The following SPTBN4 variants were observed in gnomAD, a reference collection of about 807,000 sequenced individuals.
SPTBN4 encodes the protein spectrin beta chain, non-erythrocytic 4.
In SPTBN4, 96 loss-of-function variants were observed where a neutral mutation model predicts 277.8. That is an observed-to-expected ratio of 0.35 (90% CI 0.29 to 0.41). SPTBN4 has a LOEUF of 0.41. Among genes scored for constraint, SPTBN4 ranks in the 10% least tolerant of loss-of-function variants. The pLI is 1.00. For synonymous variants in SPTBN4, 1,481 were observed against 1,580.3 expected, an observed-to-expected ratio of 0.94 and a Z score of 1.49; for missense variants, 3,006 against 3,595.7, an observed-to-expected ratio of 0.84 and a Z score of 4.19.
In SPTBN4 at chr19:40,502,859, C is replaced by T. The variant is rs774379566; in HGVS notation, c.1288C>T (p.Leu430=). The T allele has an allele frequency of 6.2e-6, 10 of 1,613,778 alleles. No homozygotes were observed. The South Asian group carries it at 1.1e-4, about 18-fold the overall frequency. Residue 430 remains leucine (L), a synonymous_variant, in exon 11 of 36, where the codon CTG becomes TTG. Transcript: ENST00000598249. The surrounding 1 kb of genome is among the most constrained non-coding windows in gnomAD (Gnocchi z 4.9). The part of the protein sequence containing the change: ...ELIRQEKLEL[L]AQRFDHKVAM... ...GATTCGGCAGGAGAAGCTGGAACTACTGGCACAGAGGTTTGACCACAAGGT... is the reference window on the plus strand; with the variant it reads ...GATTCGGCAGGAGAAGCTGGAACTATTGGCACAGAGGTTTGACCACAAGGT...
chr19:40,519,686 G>T lies in SPTBN4; in HGVS notation c.3189G>T (p.Ala1063=). 1.9e-5 allele frequency: 27 copies of T among 1,389,962 alleles called. No homozygotes were observed. The highest frequency in any genetic ancestry group is 2.5e-5 in the Non-Finnish European group (27 of 1,082,996). The allele number at this position is 1,389,962 out of a possible 1,614,324, so 86.1% of individuals were successfully genotyped here. A position where few individuals can be genotyped will look rare whatever the true frequency, so the allele number is the denominator to read the frequency against. Residue 1063 remains alanine (A), a synonymous_variant, in exon 16 of 36, where the codon GCG becomes GCT. Coordinates refer to ENST00000598249, the MANE Select transcript of SPTBN4 (RefSeq NM_020971.3). This position sits in a 1 kb window ranked among gnomAD's most constrained non-coding sequence, Gnocchi z 5.7. ...PAQAARLHQG[A]EELGAEWGAL... The stretch of plus-strand genomic sequence containing the variant: ...AGGCGGCGCGGCTGCACCAGGGCGC[G>T]GAGGAGCTGGGCGCCGAGTGGGGCG...
chr19:40,519,964 T>C lies in SPTBN4; in HGVS notation c.3467T>C (p.Leu1156Pro). 1 of 1,542,474 alleles carries C rather than the reference T, an allele frequency of 6.5e-7. No individual in the cohort carries two copies. The highest frequency in any genetic ancestry group is 8.7e-7 in the Non-Finnish European group (1 of 1,151,780). The change falls in exon 16 of 36, where the codon CTG becomes CCG. Residue 1156 changes from leucine (L) to proline (P), a missense_variant. Physicochemically the swap from Leu to Pro is moderately conservative, Grantham distance 98. Transcript: ENST00000598249. This position sits in a 1 kb window ranked among gnomAD's most constrained non-coding sequence, Gnocchi z 5.7. The part of the protein sequence containing the change: ...YARIVAASEA[L>P]LAADGAELGP... ...CGCATCGTGGCGGCCAGCGAGGCGC[T>C]GCTGGCCGCCGACGGCGCAGAGCTG...
chr19:40,507,115 G>A lies in SPTBN4; in HGVS notation c.1816+729G>A, dbSNP rs564131954. Among the ~76,000 whole-genome samples, 5 of 152,154 alleles carry A rather than the reference G, an allele frequency of 3.3e-5. No individual in the cohort carries two copies. In the East Asian group the frequency reaches 9.7e-4, roughly 29 times the overall value. On this transcript the variant is annotated intron_variant, in intron 13 of 35. Transcript: ENST00000598249. ...TGGCTAATGTAACCAAAATGTTCAG[G>A]GAAGCCTAGTCAACATGGCGAAACC...
At chr19:40,482,370 C>T (rs974405001) in intron 2 of SPTBN4, among the ~76,000 whole-genome samples, 7 of 152,236 alleles carry the variant, frequency 4.6e-5, no homozygotes, top group Admixed American at 1.3e-4. Context: ...CATGCCTGGC[C>T]TGATTTTTCT....
At position 40,490,350 on chromosome 19, in the gene SPTBN4, A is replaced by G; in HGVS notation, c.495+102A>G. ...TCTTTCCTTCCAATAATATCCTAAT[A>G]TGCTGGAATCCTATTCCAGGTGTTA... On this transcript the variant is annotated intron_variant, in intron 4 of 35. Transcript: ENST00000598249. This position sits in a 1 kb window ranked among gnomAD's most constrained non-coding sequence, Gnocchi z 4.3. The G allele has an allele frequency of 7.3e-7, 1 of 1,365,252 alleles. No homozygotes were observed. The allele number at this position is 1,365,252 out of a possible 1,614,324, so 84.6% of individuals were successfully genotyped here. A position where few individuals can be genotyped will look rare whatever the true frequency, so the allele number is the denominator to read the frequency against.
chr19:40,494,201 G>A (rs542502615), intron 5 of SPTBN4, among the ~76,000 whole-genome samples: 23 of 152,216 alleles, frequency 1.5e-4, no homozygotes, highest in Non-Finnish European at 3.4e-4. Flanking sequence ...CATCCTTCTG[G>A]CTGTCTGTCT....
chr19:40,544,336 G>GT (rs1282122137), intron 20 of SPTBN4, among the ~76,000 whole-genome samples: 1 of 149,482 alleles, frequency 6.7e-6, no homozygotes, highest in African/African-American at 2.5e-5. Context: ...TAGAGACTGG[G>GT]TTTCACCATG....
intron 2 of SPTBN4, among the ~76,000 whole-genome samples, chr19:40,479,963 TG>T (rs2079991854): frequency 6.6e-6 from 1 of 150,692 alleles, no homozygotes; most frequent in East Asian, 1.9e-4. Flanking sequence ...AAAAATTAGC[TG>T]GGTGGGGCCA....
intron 26 of SPTBN4, among the ~76,000 whole-genome samples, chr19:40,558,956 G>A (rs1348147292): frequency 1.4e-5 from 2 of 147,236 alleles, no homozygotes; most frequent in African/African-American, 2.5e-5. Context: ...TTATGAGGCA[G>A]AGTCTCTCTT....
intron 27 of SPTBN4, among the ~76,000 whole-genome samples, chr19:40,564,291 G>C (rs1043872334): frequency 2.0e-5 from 3 of 152,092 alleles, no homozygotes; most frequent in African/African-American, 4.8e-5. Flanking sequence ...TACCTAGAAG[G>C]GGGAGGTTGC....
chr19:40,512,943 C>G lies in SPTBN4; in HGVS notation c.2154C>G (p.Ala718=). The part of the protein sequence containing the change: ...LGGRRALLQQ[A]LRCGEELVAA... ...GGCGGCGAGCGTTGCTGCAGCAGGC[C>G]CTGCGGTGTGGCGAGGAGCTGGTTG... The change falls in exon 14 of 36, where the codon GCC becomes GCG. Residue 718 remains alanine, a synonymous_variant. Transcript: ENST00000598249. 7.0e-7 allele frequency: 1 copy of G among 1,419,224 alleles called. No homozygotes were observed. The highest frequency in any genetic ancestry group is 9.1e-7 in the Non-Finnish European group (1 of 1,097,958). 87.9% of individuals were successfully genotyped at this position (1,419,224 alleles called of 1,614,324 possible).
At chr19:40,482,168 C>T (rs1280059087) in intron 2 of SPTBN4, among the ~76,000 whole-genome samples, 5 of 151,988 alleles carry the variant, frequency 3.3e-5, no homozygotes, top group African/African-American at 9.7e-5. Flanking sequence ...AACTCCTGAC[C>T]TCAGGTGATC....
intron 3 of SPTBN4, 38 bp downstream of exon 3, chr19:40,487,886 T>C (rs1330179256): frequency 1.9e-6 from 3 of 1,541,846 alleles, no homozygotes; most frequent in African/African-American, 2.8e-5. Context: ...GGGTCCTCCC[T>C]GGGGTCTCAG....
chr19:40,530,465 G>A (rs1738250939), intron 18 of SPTBN4: 2 of 975,754 alleles, frequency 2.0e-6, no homozygotes, highest in South Asian at 9.4e-5. Context: ...GCGCGGGGGC[G>A]AGGGAGGGGG....
At chr19:40,506,663 T>C (rs2080334073) in intron 13 of SPTBN4, among the ~76,000 whole-genome samples, 1 of 152,132 alleles carries the variant, frequency 6.6e-6, no homozygotes, top group Non-Finnish European at 1.5e-5. Flanking sequence ...CACAGATTGA[T>C]CTCAACGAAT....
intron 4 of SPTBN4, among the ~76,000 whole-genome samples, chr19:40,491,032 CATGACTT>C (rs1463444604): frequency 1.3e-5 from 2 of 151,530 alleles, no homozygotes; most frequent in African/African-American, 4.9e-5. Flanking sequence ...ACAGTGAGAC[CATGACTT>C]AAAAGAAAAA....
intron 25 of SPTBN4, 28 bp from the exon 26 acceptor site, chr19:40,556,995 T>TAC (rs2080986301): frequency 6.7e-7 from 1 of 1,484,804 alleles, no homozygotes; most frequent in Non-Finnish European, 9.0e-7. Flanking sequence ...CACTTTGCTG[T>TAC]ACCCCCCCCC....
Position 40,506,492 on chromosome 19 carries a change from C to T in SPTBN4, c.1816+106C>T, listed in dbSNP as rs1452526423. 11 of 1,438,302 alleles carry T rather than the reference C, an allele frequency of 7.6e-6. No individual in the cohort carries two copies. In the East Asian group the frequency reaches 2.6e-4, roughly 34 times the overall value. 89.1% of individuals were successfully genotyped at this position (1,438,302 alleles called of 1,614,324 possible). On this transcript the variant is annotated intron_variant, in intron 13 of 35. Coordinates refer to ENST00000598249, the MANE Select transcript of SPTBN4 (RefSeq NM_020971.3). ...AGAAGGAAAGAGTGAGCTCCTTGTC[C>T]TTGGAGGCATTTAAGCAGAGCCTAA...
Position 40,557,133 on chromosome 19 carries a change from A to G in SPTBN4, c.5400A>G (p.Thr1800=). ...MVDELIECGH[T]AAATMAEWKD... is the part of the protein sequence containing the mutation. ...ATGAGCTGATCGAGTGTGGCCATAC[A>G]GCAGCGGCCACCATGGCCGAGTGGA... Residue 1800 remains threonine, a synonymous_variant, in exon 26 of 36, where the codon ACA becomes ACG. Transcript: ENST00000598249. 6.2e-7 allele frequency: 1 copy of G among 1,611,270 alleles called. No individual in the cohort carries two copies. The highest frequency in any genetic ancestry group is 8.5e-7 in the Non-Finnish European group (1 of 1,177,856).
Sources: allele counts gnomAD v4.1 joint callset (sites outside exome capture counted in the v4.1 genomes callset), GRCh38; gene constraint gnomAD v4.1.1; non-coding constraint Gnocchi (gnomAD v3.1); transcripts MANE v1.5; gene names NCBI Gene and HGNC (gene_info 2026-07-23, HGNC 2026-07-21).